The following MGMT variants were observed in gnomAD, a reference collection of about 807,000 sequenced individuals.
The protein encoded by MGMT is O-6-methylguanine-DNA methyltransferase.
A neutral mutation model predicts 15.9 loss-of-function variants in MGMT; 14 were observed. The observed-to-expected ratio is 0.88, with a 90% CI of 0.58 to 1.37. The LOEUF (loss-of-function observed/expected upper bound fraction) is 1.37. Ranked by LOEUF, MGMT falls within the 40% of genes most tolerant of loss-of-function variation. MGMT has a pLI of 0.00. For missense variants in MGMT, 282 were observed against 268.1 expected (o/e 1.05, Z -0.36); for synonymous variants, 130 against 118.2 (o/e 1.10, Z -0.65).
intron 2 of MGMT, among the ~76,000 whole-genome samples, chr10:129,550,380 C>G (rs557286149): frequency 6.9e-6 from 1 of 145,574 alleles, no homozygotes; most frequent in Non-Finnish European, 1.5e-5. Context: ...CACCCAGCAC[C>G]GGAATGTTTC....
chr10:129,524,173 C>T (rs1282035801), intron 1 of MGMT, among the ~76,000 whole-genome samples: 5 of 152,186 alleles, frequency 3.3e-5, no homozygotes, highest in Non-Finnish European at 2.9e-5. Flanking sequence ...ACGGGGACGG[C>T]TCCAGGGTTC....
chr10:129,666,104 A>C (rs531069505), intron 2 of MGMT, among the ~76,000 whole-genome samples: 3 of 152,324 alleles, frequency 2.0e-5, no homozygotes, highest in African/African-American at 7.2e-5. Flanking sequence ...GAGAGAAAGA[A>C]AAAACAGTGG....
At chr10:129,745,105 G>C (rs944877647) in intron 3 of MGMT, among the ~76,000 whole-genome samples, 1 of 152,182 alleles carries the variant, frequency 6.6e-6, no homozygotes, top group African/African-American at 2.4e-5. Context: ...GAAAGATTTT[G>C]CAGAAAATGT....
At chr10:129,707,204 G>A (rs894589387) in intron 2 of MGMT, among the ~76,000 whole-genome samples, 2 of 152,064 alleles carry the variant, frequency 1.3e-5, no homozygotes, top group Non-Finnish European at 2.9e-5. Flanking sequence ...TTGAACCCGG[G>A]ATATGGAGGT....
intron 3 of MGMT, among the ~76,000 whole-genome samples, chr10:129,727,062 T>C (rs1848442325): frequency 6.6e-6 from 1 of 152,184 alleles, no homozygotes. Context: ...CCCTGCTGAA[T>C]TCTGAAATAC....
intron 2 of MGMT, among the ~76,000 whole-genome samples, chr10:129,676,875 G>A (rs972333068): frequency 1.2e-4 from 18 of 152,102 alleles, no homozygotes; most frequent in Admixed American, 5.2e-4. Flanking sequence ...CAGATACTGG[G>A]CATTATGAGT....
intron 2 of MGMT, among the ~76,000 whole-genome samples, chr10:129,664,171 T>G (rs555720183): frequency 6.6e-6 from 1 of 152,312 alleles, no homozygotes; most frequent in Admixed American, 6.5e-5. Flanking sequence ...GGAAATCTGT[T>G]CATTGCATTG....
At position 129,733,858 on chromosome 10, in the gene MGMT, T is replaced by C. The variant is rs565258059; in HGVS notation, c.275-25344T>C. Among the ~76,000 whole-genome samples the C allele has an allele frequency of 1.3e-3, 198 of 152,314 alleles. 3 individuals are homozygous for C. Among genetic ancestry groups the C allele is most frequent in the Admixed American group, 2.8e-3 (43 of 15,296 alleles). ...TTGTTTTTGTCAGGTTTGTCAAAGA[T>C]CAGATAGTTGTAGATATGCGGCGTT... is the stretch of plus-strand genomic sequence containing the variant. On this transcript the variant is annotated intron_variant, in intron 3 of 4. Coordinates refer to ENST00000651593, the MANE Select transcript of MGMT (RefSeq NM_002412.5).
intron 2 of MGMT, among the ~76,000 whole-genome samples, chr10:129,691,647 CAG>C (rs1193880457): frequency 6.6e-6 from 1 of 152,110 alleles, no homozygotes; most frequent in Non-Finnish European, 1.5e-5. Context: ...GCACAGGTGT[CAG>C]GGGTTTCATG....
intron 2 of MGMT, among the ~76,000 whole-genome samples, chr10:129,538,569 T>C (rs577798656): frequency 3.9e-4 from 60 of 152,346 alleles, no homozygotes; most frequent in African/African-American, 1.4e-3. Context: ...TGATGACTTA[T>C]CCTGATGAAG....
intron 1 of MGMT, among the ~76,000 whole-genome samples, chr10:129,501,504 G>C (rs1238072995): frequency 6.6e-6 from 1 of 152,158 alleles, no homozygotes; most frequent in East Asian, 1.9e-4. Flanking sequence ...ATTTGTAATT[G>C]GTGGGCTTGG....
At chr10:129,547,997 G>C (rs1046800268) in intron 2 of MGMT, among the ~76,000 whole-genome samples, 28 of 152,176 alleles carry the variant, frequency 1.8e-4, no homozygotes, top group Non-Finnish European at 4.1e-4. Context: ...CCAGGCAAGG[G>C]CTTTTTGTAT....
In MGMT at chr10:129,759,309, C is replaced by T. The variant is rs148705827; in HGVS notation, c.382C>T (p.Arg128Ter). 1.1e-5 allele frequency: 18 copies of T among 1,614,052 alleles called. No individual in the cohort carries two copies. The highest frequency in any genetic ancestry group is 1.6e-4 in the Middle Eastern group (1 of 6,084). The change falls in exon 4 of 5, where the codon CGA becomes TGA. Residue 128 changes from arginine to a stop codon, truncating the protein, a stop_gained. Transcript: ENST00000651593. LOFTEE classifies it low-confidence loss of function (END_TRUNC). ...AALAGNPKAA[R>*]AVGGAMRGNP... ...CCTGGCAGGCAACCCCAAAGCCGCG[C>T]GAGCAGTGGGAGGAGCAATGAGAGG...
At chr10:129,644,373 G>C (rs1271033975) in intron 2 of MGMT, among the ~76,000 whole-genome samples, 3 of 152,252 alleles carry the variant, frequency 2.0e-5, no homozygotes, top group Non-Finnish European at 2.9e-5. Flanking sequence ...AGGGTGCTGG[G>C]TGGCCTCATG....
intron 1 of MGMT, among the ~76,000 whole-genome samples, chr10:129,517,739 G>C (rs61862584): frequency 0.089 from 13,493 of 152,210 alleles, 764 homozygotes; most frequent in East Asian, 0.3. Context: ...GGTGGGCTGA[G>C]GCCCAGACCA....
chr10:129,511,044 G>C (rs947200777), intron 1 of MGMT, among the ~76,000 whole-genome samples: 9 of 148,656 alleles, frequency 6.1e-5, no homozygotes, highest in African/African-American at 2.2e-4. Flanking sequence ...CCGTATACCA[G>C]ATGCAGCCTG....
At position 129,614,433 on chromosome 10, in the gene MGMT, C is replaced by T. The variant is rs552493919; in HGVS notation, c.125+78056C>T. On this transcript the variant is annotated intron_variant, in intron 2 of 4. Coordinates refer to ENST00000651593, the MANE Select transcript of MGMT (RefSeq NM_002412.5). ...TTTTGCTGCCACAACCTGAGGTCCG[C>T]GGACGTCCCTGTGCTCGCTATGACT... Among the ~76,000 whole-genome samples, 210 of 152,296 alleles carry T rather than the reference C, an allele frequency of 1.4e-3. 1 individual carries two copies. Among genetic ancestry groups the T allele is most frequent in the Admixed American group, 2.7e-3 (42 of 15,300 alleles).
chr10:129,600,597 A>C (rs1475114474), intron 2 of MGMT, among the ~76,000 whole-genome samples: 1 of 152,244 alleles, frequency 6.6e-6, no homozygotes, highest in East Asian at 1.9e-4. Context: ...AGCTAGCAAG[A>C]GCAACACCCA....
chr10:129,496,441 C>T lies in MGMT; in HGVS notation c.-13+29145C>T, dbSNP rs1845522501. Reference sequence around the variant, plus strand: ...TAATACCTTGGCTCAGGGGACATAACATTTTAGTAAAATCAAAATTTGTAT... The same window carrying T: ...TAATACCTTGGCTCAGGGGACATAATATTTTAGTAAAATCAAAATTTGTAT... On this transcript the variant is annotated intron_variant, in intron 1 of 4. Coordinates refer to ENST00000651593, the MANE Select transcript of MGMT (RefSeq NM_002412.5). Among the ~76,000 whole-genome samples, 4 of 152,292 alleles carry T rather than the reference C, an allele frequency of 2.6e-5. No homozygotes were observed. In the South Asian group the frequency reaches 8.3e-4, roughly 32 times the overall value.
Sources: gnomAD v4.1 joint callset for allele counts (sites outside exome capture counted in the v4.1 genomes callset) on GRCh38, gnomAD v4.1.1 for gene constraint, MANE v1.5 for transcripts, NCBI Gene and HGNC (gene_info 2026-07-23, HGNC 2026-07-21) for gene names.